Variants in CA10 observed in about 807,000 individuals in gnomAD.
The protein encoded by CA10 is carbonic anhydrase-related protein 10.
A neutral mutation model predicts 44.2 loss-of-function variants in CA10; 14 were observed. The ratio of observed to expected loss-of-function variants is 0.32; its 90% CI spans 0.21 to 0.50. The LOEUF is 0.50. Ranked by LOEUF, CA10 falls within the 20% of genes least tolerant of loss-of-function variation. The pLI is 0.99. For synonymous variants in CA10, 159 were observed against 141.6 expected (o/e 1.12, Z -0.87); for missense variants, 350 against 409.7 (o/e 0.85, Z 1.26).
At chr17:51,990,585 G>A (rs1355784041) in intron 2 of CA10, among the ~76,000 whole-genome samples, 1 of 152,048 alleles carries the variant, frequency 6.6e-6, no homozygotes, top group African/African-American at 2.4e-5. Flanking sequence ...TGATATCTAG[G>A]TGGTAAATTT....
chr17:51,924,543 T>C (rs1334440633), intron 3 of CA10, among the ~76,000 whole-genome samples: 1 of 152,214 alleles, frequency 6.6e-6, no homozygotes, highest in Non-Finnish European at 1.5e-5. Context: ...GGATCCATCT[T>C]TACCTTGCTT....
intron 3 of CA10, among the ~76,000 whole-genome samples, chr17:51,772,743 G>A (rs1905659038): frequency 6.6e-6 from 1 of 152,094 alleles, no homozygotes; most frequent in South Asian, 2.1e-4. Flanking sequence ...GAGATACATG[G>A]TATTAGCCTC....
chr17:51,986,264 C>T (rs1218464060), intron 2 of CA10, among the ~76,000 whole-genome samples: 1 of 152,022 alleles, frequency 6.6e-6, no homozygotes, highest in African/African-American at 2.4e-5. Context: ...AAAGAACACC[C>T]TATTCAACAA....
chr17:51,856,892 A>G (rs1979070623), intron 3 of CA10, among the ~76,000 whole-genome samples: 1 of 152,222 alleles, frequency 6.6e-6, no homozygotes, highest in African/African-American at 2.4e-5. Context: ...GGTATTCTAA[A>G]TGACTGACAT....
chr17:51,638,429 G>A (rs538316340), intron 6 of CA10, among the ~76,000 whole-genome samples: 1 of 152,362 alleles, frequency 6.6e-6, no homozygotes, highest in East Asian at 1.9e-4. Context: ...CAAGGAACGA[G>A]GACATGCTCG....
chr17:51,944,438 G>C (rs145288034), intron 2 of CA10, among the ~76,000 whole-genome samples: 4 of 152,184 alleles, frequency 2.6e-5, no homozygotes, highest in African/African-American at 7.2e-5. Context: ...TTATCATCAC[G>C]TAAGAAACAA....
At chr17:51,632,582 G>C (rs1912630849) in intron 8 of CA10, among the ~76,000 whole-genome samples, 1 of 152,178 alleles carries the variant, frequency 6.6e-6, no homozygotes, top group Admixed American at 6.5e-5. Context: ...CCAGGCTCTT[G>C]TTTGCTTCCT....
chr17:51,692,202 T>C (rs1041429072), intron 4 of CA10, among the ~76,000 whole-genome samples: 18 of 151,172 alleles, frequency 1.2e-4, no homozygotes, highest in Admixed American at 3.3e-4. Flanking sequence ...TCCTTGTAGA[T>C]AGCTTTTACT....
intron 4 of CA10, among the ~76,000 whole-genome samples, chr17:51,681,388 A>G (rs1334402210): frequency 6.6e-6 from 1 of 152,186 alleles, no homozygotes; most frequent in African/African-American, 2.4e-5. Context: ...CAGGTGGGAA[A>G]ATTAGAGGGG....
chr17:52,033,497 T>A (rs1464957665), intron 2 of CA10, among the ~76,000 whole-genome samples: 1 of 149,704 alleles, frequency 6.7e-6, no homozygotes, highest in African/African-American at 2.4e-5. Flanking sequence ...TAGCGAAAAA[T>A]TAGAAATAAG....
chr17:51,878,910 GTGTA>G (rs1438383000), intron 3 of CA10, among the ~76,000 whole-genome samples: 47 of 121,856 alleles, frequency 3.9e-4, no homozygotes, highest in African/African-American at 1.2e-3. Context: ...GTGTGTGTGT[GTGTA>G]TGTGTGTATG....
intron 3 of CA10, among the ~76,000 whole-genome samples, chr17:51,912,641 G>A (rs945017350): frequency 8.5e-5 from 13 of 152,136 alleles, no homozygotes; most frequent in African/African-American, 3.1e-4. Flanking sequence ...CAGATTACCT[G>A]ACTCCAATAA....
At chr17:51,766,671 A>T (rs1905398939) in intron 3 of CA10, among the ~76,000 whole-genome samples, 1 of 152,220 alleles carries the variant, frequency 6.6e-6, no homozygotes, top group African/African-American at 2.4e-5. Context: ...AACACCAAAG[A>T]TAAGAAAAAA....
At chr17:52,057,752 C>T (rs1430434924) in intron 2 of CA10, among the ~76,000 whole-genome samples, 2 of 152,116 alleles carry the variant, frequency 1.3e-5, no homozygotes, top group African/African-American at 2.4e-5. Context: ...CAATTTCCAG[C>T]ACCTGGGGAT....
At chr17:51,715,985 C>T (rs750137128) in intron 4 of CA10, among the ~76,000 whole-genome samples, 2 of 152,122 alleles carry the variant, frequency 1.3e-5, no homozygotes, top group Non-Finnish European at 2.9e-5. Context: ...CCACCGTGCC[C>T]GGCCCTCATT....
chr17:52,051,008 G>C (rs1406182830), intron 2 of CA10, among the ~76,000 whole-genome samples: 1 of 149,638 alleles, frequency 6.7e-6, no homozygotes, highest in Non-Finnish European at 1.5e-5. Context: ...AAGGAAGGAA[G>C]GAAGGAACGA....
At chr17:52,153,469 T>C (rs911164553) in intron 1 of CA10, among the ~76,000 whole-genome samples, 4 of 152,152 alleles carry the variant, frequency 2.6e-5, no homozygotes, top group African/African-American at 9.7e-5. Context: ...GGGTAATAAG[T>C]ACTACATGGT....
intron 1 of CA10, among the ~76,000 whole-genome samples, chr17:52,074,973 A>G (rs192041944): frequency 6.6e-6 from 1 of 152,348 alleles, no homozygotes; most frequent in South Asian, 2.1e-4. Flanking sequence ...ATAGCCAAAC[A>G]TATTTATTTA....
chr17:51,945,731 T>C (rs1598132398), intron 2 of CA10, among the ~76,000 whole-genome samples: 1 of 152,144 alleles, frequency 6.6e-6, no homozygotes, highest in East Asian at 1.9e-4. Context: ...TCACCTGCCT[T>C]TTAAGCCTCC....
Sources: allele counts gnomAD v4.1 joint callset (sites outside exome capture counted in the v4.1 genomes callset), GRCh38; gene constraint gnomAD v4.1.1; transcripts MANE v1.5; gene names NCBI Gene and HGNC (gene_info 2026-07-23, HGNC 2026-07-21).